CRB1: variants seen among roughly 807,000 people sequenced by gnomAD.
CRB1 encodes crumbs cell polarity complex component 1.
CRB1 carries 83 observed loss-of-function variants against 120.0 expected under a neutral mutation model. The observed-to-expected ratio is 0.69, with a 90% CI of 0.58 to 0.83. The LOEUF (loss-of-function observed/expected upper bound fraction) is 0.83, where lower values mean the gene tolerates loss of function less well. CRB1 is among the 40% of genes least tolerant of loss of function. The pLI, the probability that CRB1 is intolerant of heterozygous loss-of-function variation, is 0.00. For synonymous variants in CRB1, 625 were observed against 612.5 expected (o/e 1.02, Z -0.30); for missense variants, 1,699 against 1,687.6 (o/e 1.01, Z -0.12).
intron 3 of CRB1, among the ~76,000 whole-genome samples, chr1:197,345,877 CTT>C (rs1197610867): frequency 1.3e-5 from 2 of 152,076 alleles, no homozygotes; most frequent in Admixed American, 6.5e-5. Context: ...CATTCCATGT[CTT>C]GCCTTTGACT....
the CRB1 span, among the ~76,000 whole-genome samples, chr1:197,260,267 AT>A: frequency 4.0e-5 from 6 of 151,790 alleles, no homozygotes; most frequent in East Asian, 7.7e-4. Context: ...ATTAAACAAA[AT>A]TTTTTTTTAT....
the CRB1 span, among the ~76,000 whole-genome samples, chr1:197,201,539 C>T: frequency 6.6e-6 from 1 of 152,214 alleles, no homozygotes; most frequent in South Asian, 2.1e-4. Context: ...ACGCCGAATC[C>T]GTTACTCCGG....
intron 2 of CRB1, 39 bp downstream of exon 2, chr1:197,329,042 A>G (rs1490712081): frequency 6.4e-7 from 1 of 1,552,226 alleles, no homozygotes; most frequent in Non-Finnish European, 8.8e-7. Context: ...TGGTGTAGTT[A>G]GCTCTTTCTA....
chr1:197,222,342 G>T, the CRB1 span: 1 of 741,304 alleles, frequency 1.3e-6, no homozygotes. Flanking sequence ...AATCCCAGAC[G>T]TGGCTGCATT....
chr1:197,331,100 G>A (rs2125308268), intron 2 of CRB1, among the ~76,000 whole-genome samples: 1 of 152,088 alleles, frequency 6.6e-6, no homozygotes, highest in South Asian at 2.1e-4. Flanking sequence ...AGAGCTTGCA[G>A]TGAGCCGAGA....
At chr1:197,254,021 A>G in the CRB1 span, among the ~76,000 whole-genome samples, 2 of 152,118 alleles carry the variant, frequency 1.3e-5, no homozygotes, top group South Asian at 2.1e-4. Context: ...TCAGGCAGCT[A>G]TTGATCCAAA....
At chr1:197,316,788 TAAAC>T (rs1657873750) in intron 1 of CRB1, among the ~76,000 whole-genome samples, 1 of 151,326 alleles carries the variant, frequency 6.6e-6, no homozygotes. Context: ...TTAAAATTAA[TAAAC>T]AAGTTCAGTA....
chr1:197,354,288 C>T (rs1446657216), intron 4 of CRB1, among the ~76,000 whole-genome samples: 1 of 152,162 alleles, frequency 6.6e-6, no homozygotes, highest in African/African-American at 2.4e-5. Context: ...CATCTCTAGG[C>T]ATAAACTGTA....
chr1:197,268,929 T>C (rs1182470874), intron 1 of CRB1, among the ~76,000 whole-genome samples: 7 of 152,344 alleles, frequency 4.6e-5, no homozygotes, highest in Admixed American at 3.9e-4. Context: ...TTTGCTCTCA[T>C]AATTAAGGGG....
intron 2 of CRB1, among the ~76,000 whole-genome samples, chr1:197,333,068 G>T (rs770211698): frequency 3.3e-5 from 5 of 152,168 alleles, no homozygotes; most frequent in Non-Finnish European, 7.4e-5. Flanking sequence ...TCCAAATTTA[G>T]AGTGATCATA....
At chr1:197,266,588 A>G (rs1050233405), upstream of CRB1, among the ~76,000 whole-genome samples, 2 of 152,124 alleles carry the variant, frequency 1.3e-5, no homozygotes, top group Non-Finnish European at 2.9e-5. Context: ...ACTAGCCCAA[A>G]TCTGACACAT....
chr1:197,301,977 A>G (rs1291570086), intron 1 of CRB1, among the ~76,000 whole-genome samples: 1 of 152,242 alleles, frequency 6.6e-6, no homozygotes, highest in Non-Finnish European at 1.5e-5. Context: ...TTACATAAAC[A>G]TAACTCATAA....
At chr1:197,293,521 C>T (rs1656327548) in intron 1 of CRB1, among the ~76,000 whole-genome samples, 1 of 152,108 alleles carries the variant, frequency 6.6e-6, no homozygotes, top group Non-Finnish European at 1.5e-5. Flanking sequence ...CCATCCCCAT[C>T]AAGCTACCAA....
intron 1 of CRB1, among the ~76,000 whole-genome samples, chr1:197,284,484 G>A (rs1655709361): frequency 6.6e-6 from 1 of 151,858 alleles, no homozygotes; most frequent in Non-Finnish European, 1.5e-5. Context: ...TTTCTTCAGG[G>A]CAGCTCCATT....
chr1:197,225,193 G>A, the CRB1 span, among the ~76,000 whole-genome samples: 1 of 151,066 alleles, frequency 6.6e-6, no homozygotes, highest in Non-Finnish European at 1.5e-5. Flanking sequence ...TGGCTCCAGG[G>A]CCCAGATTTA....
At position 197,368,030 on chromosome 1, in the gene CRB1, T is replaced by C. The variant is rs1043566493; in HGVS notation, c.1171+11017T>C. On this transcript the variant is annotated intron_variant, in intron 5 of 11. Transcript: ENST00000367400. The stretch of plus-strand genomic sequence containing the variant: ...CCTTAAAAGTCAAATCCTGTCACTT[T>C]ACCTAAATCCAACTAAAATAGCCAT... 8.9e-4 allele frequency among the ~76,000 whole-genome samples: 136 copies of C among 152,208 alleles called. 14 individuals carry two copies. Among genetic ancestry groups the C allele is most frequent in the Non-Finnish European group, 1.5e-5 (1 of 68,044 alleles).
At chr1:197,327,720 C>G (rs2125302401) in intron 1 of CRB1, among the ~76,000 whole-genome samples, 1 of 152,256 alleles carries the variant, frequency 6.6e-6, no homozygotes, top group South Asian at 2.1e-4. Flanking sequence ...TTCTCTTGTG[C>G]AGAGGTTTTC....
At chr1:197,268,746 T>C (rs1275656099) in intron 1 of CRB1, among the ~76,000 whole-genome samples, 1 of 152,202 alleles carries the variant, frequency 6.6e-6, no homozygotes, top group African/African-American at 2.4e-5. Context: ...AGCTGGAGAA[T>C]GAAATGGTCA....
At chr1:197,385,346 A>G (rs971718319) in intron 5 of CRB1, among the ~76,000 whole-genome samples, 13 of 152,144 alleles carry the variant, frequency 8.5e-5, no homozygotes, top group African/African-American at 3.1e-4. Context: ...CAAATGAGGC[A>G]TTTCTTGAAG....
Sources: allele counts gnomAD v4.1 joint callset (sites outside exome capture counted in the v4.1 genomes callset), GRCh38; gene constraint gnomAD v4.1.1; transcripts MANE v1.5; gene names NCBI Gene and HGNC (gene_info 2026-07-23, HGNC 2026-07-21).